Variants in IPO11 observed in about 807,000 individuals in gnomAD.
IPO11 encodes the protein importin-11.
In IPO11, 66 loss-of-function variants were observed where a neutral mutation model predicts 143.2. The observed-to-expected ratio is 0.46, with a 90% CI of 0.38 to 0.57. IPO11 has a LOEUF of 0.57. Ranked by LOEUF, IPO11 falls within the 20% of genes least tolerant of loss-of-function variation. The probability of loss-of-function intolerance (pLI) is 0.00; values close to 1 mark genes in which losing one functional copy is unlikely to be tolerated. For missense variants in IPO11, 1,026 were observed against 1,141.0 expected (o/e 0.90, Z 1.45); for synonymous variants, 385 against 377.8 (o/e 1.02, Z -0.22).
In IPO11 at chr5:62,494,184, C is replaced by G. The variant is rs1424787267; in HGVS notation, c.1590+60C>G. On this transcript the variant is annotated intron_variant, in intron 16 of 29. Transcript: ENST00000325324. Reference sequence around the variant, plus strand: ...TTAAAGTTTCATCTGTGCAAATCATCAAGTTCACAACAGTTTATGTCTTTT... The same window carrying G: ...TTAAAGTTTCATCTGTGCAAATCATGAAGTTCACAACAGTTTATGTCTTTT... 2.1e-6 allele frequency: 3 copies of G among 1,456,480 alleles called. No individual in the cohort carries two copies. The East Asian group carries it at 7.0e-5, about 34-fold the overall frequency. The allele number at this position is 1,456,480 out of a possible 1,614,324, so 90.2% of individuals were successfully genotyped here.
chr5:62,505,463 G>A (rs1223288998), intron 18 of IPO11, among the ~76,000 whole-genome samples: 1 of 152,016 alleles, frequency 6.6e-6, no homozygotes, highest in South Asian at 2.1e-4. Flanking sequence ...AGAAAGTTAC[G>A]TGATAAAATG....
intron 3 of IPO11, among the ~76,000 whole-genome samples, chr5:62,445,037 G>C (rs1000065607): frequency 6.6e-6 from 1 of 151,888 alleles, no homozygotes; most frequent in African/African-American, 2.4e-5. Context: ...AAAGTTATGA[G>C]ATAATTTATA....
chr5:62,544,090 C>G (rs912388696), intron 24 of IPO11, among the ~76,000 whole-genome samples: 23 of 152,116 alleles, frequency 1.5e-4, no homozygotes, highest in Non-Finnish European at 2.9e-5. Context: ...GGAATCCTCC[C>G]TAACTCATTT....
intron 9 of IPO11, among the ~76,000 whole-genome samples, chr5:62,479,389 A>T (rs1746100483): frequency 6.6e-6 from 1 of 152,204 alleles, no homozygotes; most frequent in Non-Finnish European, 1.5e-5. Flanking sequence ...ATAGCGCCAC[A>T]ATAAACATAC....
At chr5:62,624,366 C>T (rs377680305) in intron 29 of IPO11, among the ~76,000 whole-genome samples, 3 of 152,130 alleles carry the variant, frequency 2.0e-5, no homozygotes, top group Non-Finnish European at 2.9e-5. Context: ...TATAGGGTAA[C>T]TTCTGGATGT....
At position 62,537,255 on chromosome 5, in the gene IPO11, A is replaced by C. The variant is rs958596105; in HGVS notation, c.2216A>C (p.Glu739Ala). 6.2e-7 allele frequency: 1 copy of C among 1,607,040 alleles called. No homozygotes were observed. Among genetic ancestry groups the C allele is most frequent in the African/African-American group, 1.3e-5 (1 of 74,790 alleles). ...CAGTCCTTTTGTGAACTTTTAAAGG[A>C]AATTACTACAGAAGGTCAAGTTCAG... The part of the protein sequence containing the change: ...LCQSFCELLK[E>A]ITTEGQVQVL... Residue 739 changes from glutamate to alanine, a missense_variant, in exon 24 of 30, where the codon GAA (glutamate) becomes GCA (alanine). Glu to Ala is a moderately radical substitution (Grantham distance 107). This residue lies in a region of IPO11 where 351 missense variants were observed against 358.9 expected (regional missense o/e 0.98). Coordinates refer to ENST00000325324, the MANE Select transcript of IPO11 (RefSeq NM_016338.5).
chr5:62,615,640 T>C (rs1455928688), intron 29 of IPO11, among the ~76,000 whole-genome samples: 1 of 152,190 alleles, frequency 6.6e-6, no homozygotes, highest in Non-Finnish European at 1.5e-5. Flanking sequence ...TTATTAGTGA[T>C]TCATGAATCA....
chr5:62,455,882 G>A (rs796285423), intron 5 of IPO11, among the ~76,000 whole-genome samples: 1 of 151,798 alleles, frequency 6.6e-6, no homozygotes, highest in African/African-American at 2.4e-5. Flanking sequence ...GCGCCACCAT[G>A]CCCAGCTAAT....
chr5:62,422,718 A>T (rs1473566760), intron 1 of IPO11: 1 of 152,186 alleles, frequency 6.6e-6, no homozygotes, highest in Non-Finnish European at 1.5e-5. Flanking sequence ...GTGAGACAGA[A>T]ATACTCAAGT....
At chr5:62,539,826 A>T (rs573651685) in intron 24 of IPO11, among the ~76,000 whole-genome samples, 7 of 152,350 alleles carry the variant, frequency 4.6e-5, no homozygotes, top group African/African-American at 1.7e-4. Context: ...ACTCAGTCTT[A>T]TACAATTTCA....
At chr5:62,510,967 C>G (rs937368237) in intron 19 of IPO11, among the ~76,000 whole-genome samples, 2 of 152,120 alleles carry the variant, frequency 1.3e-5, no homozygotes, top group African/African-American at 4.8e-5. Context: ...TCCTGACCTT[C>G]AAGCGATCTG....
intron 3 of IPO11, among the ~76,000 whole-genome samples, chr5:62,447,775 C>T (rs888772888): frequency 2.6e-5 from 4 of 151,772 alleles, no homozygotes; most frequent in African/African-American, 7.3e-5. Flanking sequence ...TTGGTAGAGA[C>T]AGGGTTTCGC....
intron 1 of IPO11, chr5:62,418,846 C>T (rs1743389112): frequency 5.7e-6 from 4 of 695,814 alleles, no homozygotes; most frequent in Middle Eastern, 2.5e-4. Flanking sequence ...TCCTTTGTCT[C>T]CTTATTCTTA....
chr5:62,516,237 T>C (rs1027020617), intron 20 of IPO11, among the ~76,000 whole-genome samples: 14 of 152,224 alleles, frequency 9.2e-5, no homozygotes, highest in Non-Finnish European at 1.8e-4. Context: ...CAGAAACTTT[T>C]CTCAGAAGCT....
At chr5:62,422,680 A>G (rs1387675069) in intron 1 of IPO11, 2 of 152,226 alleles carry the variant, frequency 1.3e-5, no homozygotes. Context: ...ATTGCAGTTT[A>G]TCAGTGCCAT....
intron 20 of IPO11, among the ~76,000 whole-genome samples, chr5:62,515,907 T>C (rs1377988723): frequency 6.6e-6 from 1 of 152,198 alleles, no homozygotes; most frequent in East Asian, 1.9e-4. Flanking sequence ...TGAGTTGCTT[T>C]TGAGGGGAGA....
At chr5:62,430,258 T>C (rs1743931626) in intron 1 of IPO11, among the ~76,000 whole-genome samples, 1 of 152,238 alleles carries the variant, frequency 6.6e-6, no homozygotes, top group Non-Finnish European at 1.5e-5. Flanking sequence ...ACTGCCAGAC[T>C]TTTCCAAAGT....
chr5:62,507,278 T>G (rs1196621200), intron 19 of IPO11, among the ~76,000 whole-genome samples: 1 of 152,194 alleles, frequency 6.6e-6, no homozygotes, highest in Non-Finnish European at 1.5e-5. Flanking sequence ...TAGGGTTGAG[T>G]CACTGTTAAT....
intron 3 of IPO11, among the ~76,000 whole-genome samples, chr5:62,444,101 T>C (rs999859036): frequency 6.0e-5 from 9 of 151,086 alleles, no homozygotes; most frequent in African/African-American, 1.7e-4. Flanking sequence ...CTTTTTCTTT[T>C]TTTTTTTTTT....
Sources: gnomAD v4.1 joint callset for allele counts (sites outside exome capture counted in the v4.1 genomes callset) on GRCh38, gnomAD v4.1.1 for gene constraint, gnomAD v4.1.1 regional missense constraint, MANE v1.5 for transcripts, NCBI Gene and HGNC (gene_info 2026-07-23, HGNC 2026-07-21) for gene names.